SLC35G1: variants seen among roughly 807,000 people sequenced by gnomAD.
SLC35G1 encodes the protein partner of STIM1.
In SLC35G1, 10 loss-of-function variants were observed where a neutral mutation model predicts 17.1. That is an observed-to-expected ratio of 0.59 (90% CI 0.36 to 0.99). The LOEUF is 0.99. Ranked by LOEUF, SLC35G1 falls within the 50% of genes least tolerant of loss-of-function variation. The pLI, the probability that SLC35G1 is intolerant of heterozygous loss-of-function variation, is 0.01. For missense variants in SLC35G1, 433 were observed against 468.4 expected (o/e 0.92, Z 0.70); for synonymous variants, 185 against 181.1 (o/e 1.02, Z -0.18).
At chr10:93,897,208 C>G (rs746732403) in intron 1 of SLC35G1, among the ~76,000 whole-genome samples, 1 of 152,118 alleles carries the variant, frequency 6.6e-6, no homozygotes, top group Non-Finnish European at 1.5e-5. Context: ...GAGAAGGGTG[C>G]CTTTGACCAC....
chr10:93,907,258 G>C (rs765604519), downstream of SLC35G1: 4 of 152,012 alleles, frequency 2.6e-5, no homozygotes, highest in Non-Finnish European at 5.9e-5. Flanking sequence ...CACACTTCCT[G>C]TTTATGTGCT....
downstream of SLC35G1, chr10:93,907,958 C>T (rs1184812646): frequency 1.3e-5 from 2 of 152,228 alleles, no homozygotes; most frequent in African/African-American, 4.8e-5. Context: ...ATGTTTACTG[C>T]TTTAATCTGG....
At chr10:93,900,668 T>C (rs567734750) in intron 2 of SLC35G1, 84 bp from the exon 3 acceptor site, 1 of 1,190,688 alleles carries the variant, frequency 8.4e-7, no homozygotes, top group Non-Finnish European at 1.1e-6. Context: ...TTTAGTACTT[T>C]TAAAATAATG....
At chr10:93,896,416 T>TA (rs1197169097) in intron 1 of SLC35G1, among the ~76,000 whole-genome samples, 3 of 152,234 alleles carry the variant, frequency 2.0e-5, no homozygotes, top group Non-Finnish European at 4.4e-5. Context: ...GTGAGGAAAT[T>TA]ACACCATGGC....
downstream of SLC35G1, among the ~76,000 whole-genome samples, chr10:93,905,671 G>C (rs996091446): frequency 1.3e-5 from 2 of 152,122 alleles, no homozygotes; most frequent in African/African-American, 4.8e-5. Flanking sequence ...CCAGTACACA[G>C]GAAAACGTTC....
chr10:93,901,336 C>T lies in SLC35G1; in HGVS notation c.944C>T (p.Ala315Val). 6.2e-7 allele frequency: 1 copy of T among 1,613,916 alleles called. No individual in the cohort carries two copies. Among genetic ancestry groups the T allele is most frequent in the Non-Finnish European group, 8.5e-7 (1 of 1,179,930 alleles). The change falls in exon 3 of 3, where the codon GCA becomes GTA. Residue 315 changes from alanine (A) to valine (V), a missense_variant. Transcript: ENST00000427197. Reference sequence around the variant, plus strand: ...CAAATAGAAAAAGCAGGGCCAGTAGCAATAATGAAGACAATGGATGTGGTC... The same window carrying T: ...CAAATAGAAAAAGCAGGGCCAGTAGTAATAATGAAGACAATGGATGTGGTC... ...ALQIEKAGPV[A>V]IMKTMDVVFA... is the part of the protein sequence containing the mutation.
At chr10:93,897,833 C>T (rs748363622) in intron 1 of SLC35G1, among the ~76,000 whole-genome samples, 2 of 152,172 alleles carry the variant, frequency 1.3e-5, no homozygotes, top group Non-Finnish European at 2.9e-5. Flanking sequence ...CTAGATAACC[C>T]ACACCCTCCC....
downstream of SLC35G1, among the ~76,000 whole-genome samples, chr10:93,903,975 A>G (rs1343250063): frequency 2.6e-5 from 4 of 152,004 alleles, no homozygotes; most frequent in Non-Finnish European, 4.4e-5. Flanking sequence ...TTGTACTATC[A>G]AGAGGGTCAG....
At chr10:93,907,818 A>C (rs2060437831), downstream of SLC35G1, 1 of 106,206 alleles carries the variant, frequency 9.4e-6, no homozygotes, top group Non-Finnish European at 2.1e-5. Context: ...AATAAAATAA[A>C]ATAAAATAAA....
Position 93,901,715 on chromosome 10 carries a change from TTG to T in SLC35G1, c.*227_*228del. 1 of 418,542 alleles carries T rather than the reference TTG, an allele frequency of 2.4e-6. No homozygotes were observed. The highest frequency in any genetic ancestry group is 4.0e-5 in the East Asian group (1 of 25,196). 25.9% of individuals were successfully genotyped at this position (418,542 alleles called of 1,614,324 possible). A position where few individuals can be genotyped will look rare whatever the true frequency, so the allele number is the denominator to read the frequency against. ...GTTTTGGTTTTGGTTTTTTTTGTTG[TTG>T]TTGTTGGGGTCAAGTTGGTGAGAGG... On this transcript the variant is annotated 3_prime_UTR_variant, in exon 3 of 3. Transcript: ENST00000427197.
At chr10:93,905,116 G>A (rs538074092), downstream of SLC35G1, among the ~76,000 whole-genome samples, 1 of 152,268 alleles carries the variant, frequency 6.6e-6, no homozygotes, top group African/African-American at 2.4e-5. Context: ...GCTTGGCTCT[G>A]ACCTGGGGAA....
At chr10:93,900,713 A>T in intron 2 of SLC35G1, 39 bp from the exon 3 acceptor site, 1 of 1,460,484 alleles carries the variant, frequency 6.8e-7, no homozygotes, top group Non-Finnish European at 9.1e-7. Context: ...AACAAATATT[A>T]ATTTCATTTA....
intron 2 of SLC35G1, among the ~76,000 whole-genome samples, chr10:93,899,952 G>A (rs2134068063): frequency 6.6e-6 from 1 of 152,286 alleles, no homozygotes; most frequent in Non-Finnish European, 1.5e-5. Context: ...TGGGCCAAAT[G>A]TGACCGTGCT....
At chr10:93,907,269 T>C (rs2113956), downstream of SLC35G1, 71,185 of 151,796 alleles carry the variant, frequency 0.47, 17,353 homozygotes, top group East Asian at 0.84. Flanking sequence ...TTTATGTGCT[T>C]TAGTTCCTTT....
rs140816197 is a variant in SLC35G1, at chr10:93,900,901, C to T, written c.509C>T (p.Thr170Met). ...TVITFSSPVFTSIFAWICLKE... is the reference protein window; with the variant it reads ...TVITFSSPVFMSIFAWICLKE... ...ATCACGTTTAGCAGTCCAGTGTTTA[C>T]GTCCATATTTGCTTGGATATGTCTC... is the stretch of plus-strand genomic sequence containing the variant. Residue 170 changes from threonine to methionine, a missense_variant, in exon 3 of 3, where the codon ACG becomes ATG. Thr to Met is a moderately conservative substitution (Grantham distance 81). Transcript: ENST00000427197. The T allele has an allele frequency of 5.2e-4, 842 of 1,613,996 alleles. 3 individuals are homozygous for T. The highest frequency in any genetic ancestry group is 6.3e-4 in the Non-Finnish European group (738 of 1,179,958).
downstream of SLC35G1, chr10:93,908,814 A>G (rs1472026522): frequency 2.6e-5 from 4 of 152,228 alleles, no homozygotes; most frequent in Middle Eastern, 6.8e-3. Context: ...CTGGCTTCCT[A>G]CGGCCTCCAA....
downstream of SLC35G1, among the ~76,000 whole-genome samples, chr10:93,905,223 GA>G (rs1420983639): frequency 6.6e-6 from 1 of 152,102 alleles, no homozygotes; most frequent in Non-Finnish European, 1.5e-5. Flanking sequence ...TTACTCTCTT[GA>G]GGGCATTCTA....
chr10:93,894,290 C>G, intron 1 of SLC35G1, 79 bp downstream of exon 1: 1 of 1,269,206 alleles, frequency 7.9e-7, no homozygotes, highest in Non-Finnish European at 1.0e-6. Context: ...GTCCCCGCAA[C>G]CCGGGCACAG....
chr10:93,908,325 G>A (rs1461656145), downstream of SLC35G1: 1 of 152,192 alleles, frequency 6.6e-6, no homozygotes, highest in Non-Finnish European at 1.5e-5. Context: ...GTTGAATGGG[G>A]TTACCTACCT....
Sources: gnomAD v4.1 joint callset for allele counts (sites outside exome capture counted in the v4.1 genomes callset) on GRCh38, gnomAD v4.1.1 for gene constraint, MANE v1.5 for transcripts, NCBI Gene and HGNC (gene_info 2026-07-23, HGNC 2026-07-21) for gene names.